Variants in SGK3 observed in about 807,000 individuals in gnomAD.
SGK3 encodes the protein serine/threonine-protein kinase Sgk3.
In SGK3, 47 loss-of-function variants were observed where a neutral mutation model predicts 68.5. The ratio of observed to expected loss-of-function variants is 0.69; its 90% CI spans 0.54 to 0.87. The LOEUF (loss-of-function observed/expected upper bound fraction) is 0.87. SGK3 is among the 40% of genes least tolerant of loss of function. The pLI is 0.00. For missense variants in SGK3, 479 were observed against 575.5 expected (o/e 0.83, Z 1.72); for synonymous variants, 181 against 189.1 (o/e 0.96, Z 0.35).
intron 5 of SGK3, among the ~76,000 whole-genome samples, chr8:66,819,946 T>C (rs1035355554): frequency 6.6e-6 from 1 of 151,968 alleles, no homozygotes; most frequent in African/African-American, 2.4e-5. Flanking sequence ...GCCTCCTGAG[T>C]AGCTGGGACT....
intron 1 of SGK3, among the ~76,000 whole-genome samples, chr8:66,750,695 A>G (rs567252053): frequency 3.9e-4 from 59 of 151,436 alleles, no homozygotes; most frequent in Middle Eastern, 6.8e-3. Context: ...TCTCAAAAAA[A>G]AAAGAAAGAA....
intron 1 of SGK3, among the ~76,000 whole-genome samples, chr8:66,774,618 G>C (rs1806622195): frequency 6.6e-6 from 1 of 152,132 alleles, no homozygotes; most frequent in Admixed American, 6.5e-5. Context: ...ACCCGGCCGC[G>C]TCTGCTCTCT....
At chr8:66,738,672 A>G (rs1432771874) in intron 1 of SGK3, among the ~76,000 whole-genome samples, 2 of 151,868 alleles carry the variant, frequency 1.3e-5, no homozygotes, top group Non-Finnish European at 2.9e-5. Flanking sequence ...CTGTCACCCA[A>G]GCTGGAGTTC....
chr8:66,827,483 A>G (rs1809112517), intron 6 of SGK3, among the ~76,000 whole-genome samples: 1 of 151,628 alleles, frequency 6.6e-6, no homozygotes, highest in African/African-American at 2.4e-5. Flanking sequence ...ATTATATATT[A>G]TATAGAACAC....
chr8:66,845,766 T>A (rs986218604), intron 14 of SGK3, among the ~76,000 whole-genome samples: 20 of 151,474 alleles, frequency 1.3e-4, no homozygotes, highest in Non-Finnish European at 2.7e-4. Context: ...CCATGTTGCC[T>A]AGGCTGGTCT....
At chr8:66,840,399 A>G in intron 12 of SGK3, 152 bp downstream of exon 12, 2 of 812,090 alleles carry the variant, frequency 2.5e-6, no homozygotes, top group African/African-American at 1.7e-5. Context: ...AGAACAGATT[A>G]GTGGTTGACA....
intron 1 of SGK3, among the ~76,000 whole-genome samples, chr8:66,729,079 C>T (rs896991855): frequency 1.3e-5 from 2 of 150,246 alleles, no homozygotes; most frequent in African/African-American, 2.5e-5. Context: ...ATTAGCTGGG[C>T]GTGGTGGTGG....
At chr8:66,790,135 C>T (rs990306092) in intron 1 of SGK3, among the ~76,000 whole-genome samples, 2 of 152,064 alleles carry the variant, frequency 1.3e-5, no homozygotes, top group South Asian at 4.1e-4. Flanking sequence ...GATCTAAGAT[C>T]CTTTGAATAT....
intron 1 of SGK3, among the ~76,000 whole-genome samples, chr8:66,714,073 T>C (rs1804569249): frequency 6.6e-6 from 1 of 152,232 alleles, no homozygotes; most frequent in South Asian, 2.1e-4. Context: ...TCCCCTTCTT[T>C]AACTGCCACT....
At chr8:66,779,561 A>AATAT (rs200618083) in intron 1 of SGK3, among the ~76,000 whole-genome samples, 3,524 of 88,884 alleles carry the variant, frequency 0.04, 73 homozygotes, top group East Asian at 0.065. Flanking sequence ...TATGTGTGTG[A>AATAT]ATATATATAT....
At position 66,760,338 on chromosome 8, in the gene SGK3, T is replaced by TC. The variant is rs1563613609; in HGVS notation, c.-121-33278_-121-33277insC. Reference sequence around the variant, plus strand: ...TGTTCATTTTCTTTTTTCTTTTTTTTTTTTTTTTTTTTTTGAGACGGAGTC... The same window carrying TC: ...TGTTCATTTTCTTTTTTCTTTTTTTTCTTTTTTTTTTTTTTGAGACGGAGTC... On this transcript the variant is annotated intron_variant, in intron 1 of 16. Coordinates refer to ENST00000521198, the MANE Select transcript of SGK3 (RefSeq NM_001033578.3). 3.5e-3 allele frequency among the ~76,000 whole-genome samples: 456 copies of TC among 130,832 alleles called. 5 individuals are homozygous for TC. The highest frequency in any genetic ancestry group is 0.014 in the African/African-American group (447 of 32,884). The allele number at this position is 130,832 out of a possible 152,430, so 85.8% of individuals were successfully genotyped here. A position where few individuals can be genotyped will look rare whatever the true frequency, so the allele number is the denominator to read the frequency against.
chr8:66,785,366 C>T (rs1394268137), intron 1 of SGK3, among the ~76,000 whole-genome samples: 2 of 152,150 alleles, frequency 1.3e-5, no homozygotes, highest in Non-Finnish European at 2.9e-5. Flanking sequence ...TGATATTTAC[C>T]TCAGAGGTTG....
At chr8:66,819,337 TA>T (rs1207282346) in intron 5 of SGK3, among the ~76,000 whole-genome samples, 1 of 152,216 alleles carries the variant, frequency 6.6e-6, no homozygotes, top group Non-Finnish European at 1.5e-5. Flanking sequence ...TTTAATACTG[TA>T]AAATGGTTTA....
chr8:66,826,217 C>A lies in SGK3; in HGVS notation c.418-2437C>A, dbSNP rs993787287. Among the ~76,000 whole-genome samples the A allele has an allele frequency of 6.6e-5, 10 of 152,022 alleles. No homozygotes were observed. In the East Asian group the frequency reaches 1.9e-3, roughly 29 times the overall value. On this transcript the variant is annotated intron_variant, in intron 6 of 16. Coordinates refer to ENST00000521198, the MANE Select transcript of SGK3 (RefSeq NM_001033578.3). The stretch of plus-strand genomic sequence containing the variant: ...CGAACTCTTGACCTCGTGATCCACC[C>A]GCCTCGGCCTCCCAAAGTGCTGGGA...
chr8:66,786,797 G>A lies in SGK3; in HGVS notation c.-121-6819G>A, dbSNP rs142057973. Among the ~76,000 whole-genome samples, 20 of 152,128 alleles carry A rather than the reference G, an allele frequency of 1.3e-4. No individual in the cohort carries two copies. In the East Asian group the frequency reaches 2.3e-3, roughly 18 times the overall value. On this transcript the variant is annotated intron_variant, in intron 1 of 16. Transcript: ENST00000521198. ...TTTTTAGCTAAGCTGTACAGTCTGC[G>A]GCTGTGTCCCTTCTCTGTACCCTCT...
intron 1 of SGK3, among the ~76,000 whole-genome samples, chr8:66,784,442 G>A (rs1807116392): frequency 6.6e-6 from 1 of 152,150 alleles, no homozygotes; most frequent in South Asian, 2.1e-4. Context: ...AATGGGAAGT[G>A]ATACTTATGA....
intron 1 of SGK3, among the ~76,000 whole-genome samples, chr8:66,774,418 C>G (rs1806614992): frequency 6.6e-6 from 1 of 151,986 alleles, no homozygotes; most frequent in East Asian, 1.9e-4. Flanking sequence ...CTGACTCAGC[C>G]CATGGAGTAG....
At chr8:66,842,365 C>T (rs545800131) in intron 13 of SGK3, among the ~76,000 whole-genome samples, 53 of 151,948 alleles carry the variant, frequency 3.5e-4, no homozygotes, top group African/African-American at 1.1e-3. Flanking sequence ...GGACTACAGG[C>T]GCCCGCCACC....
chr8:66,822,163 A>G (rs1325088778), intron 5 of SGK3, among the ~76,000 whole-genome samples: 9 of 151,846 alleles, frequency 5.9e-5, no homozygotes, highest in South Asian at 2.1e-4. Flanking sequence ...CTGCCTGTTT[A>G]TATGTTTGCC....
Sources: gnomAD v4.1 joint callset for allele counts (sites outside exome capture counted in the v4.1 genomes callset) on GRCh38, gnomAD v4.1.1 for gene constraint, MANE v1.5 for transcripts, NCBI Gene and HGNC (gene_info 2026-07-23, HGNC 2026-07-21) for gene names.